RSU1: variants seen among roughly 807,000 people sequenced by gnomAD.
The protein encoded by RSU1 is Ras suppressor protein 1.
In RSU1, 26 loss-of-function variants were observed where a neutral mutation model predicts 31.1. The ratio of observed to expected loss-of-function variants is 0.84; its 90% CI spans 0.61 to 1.16. The LOEUF (loss-of-function observed/expected upper bound fraction) is 1.16. Ranked by LOEUF, RSU1 falls within the 50% of genes most tolerant of loss-of-function variation. The pLI is 0.00. For missense variants in RSU1, 320 were observed against 339.1 expected (o/e 0.94, Z 0.44); for synonymous variants, 164 against 136.3 (o/e 1.20, Z -1.41).
At chr10:16,664,011 G>A (rs1192292162) in intron 8 of RSU1, among the ~76,000 whole-genome samples, 1 of 152,120 alleles carries the variant, frequency 6.6e-6, no homozygotes, top group South Asian at 2.1e-4. Context: ...CACTCCAGGA[G>A]TCACAGAAGG....
intron 7 of RSU1, among the ~76,000 whole-genome samples, chr10:16,741,832 C>T (rs1836760103): frequency 6.6e-6 from 1 of 152,168 alleles, no homozygotes; most frequent in African/African-American, 2.4e-5. Context: ...ATGAGGGTGG[C>T]TTAAACCAAT....
intron 7 of RSU1, among the ~76,000 whole-genome samples, chr10:16,733,752 T>C (rs1005600839): frequency 6.6e-6 from 1 of 152,212 alleles, no homozygotes; most frequent in Non-Finnish European, 1.5e-5. Context: ...AGAGTATCTA[T>C]TAAAAGCTTG....
chr10:16,682,551 C>CACACACACAT (rs1835347271), intron 8 of RSU1, among the ~76,000 whole-genome samples: 1 of 148,042 alleles, frequency 6.8e-6, no homozygotes, highest in East Asian at 2.0e-4. Flanking sequence ...CACACACACA[C>CACACACACAT]ACACACACAC....
At chr10:16,754,847 T>C (rs564544499) in intron 5 of RSU1, 24 bp downstream of exon 5, 3 of 1,432,260 alleles carry the variant, frequency 2.1e-6, no homozygotes, top group East Asian at 4.6e-5. Flanking sequence ...GTTGAGGAGA[T>C]TTATAGAATT....
chr10:16,738,745 G>A (rs547610010), intron 7 of RSU1, among the ~76,000 whole-genome samples: 56 of 152,232 alleles, frequency 3.7e-4, no homozygotes, highest in African/African-American at 1.3e-3. Flanking sequence ...AGAACTTGCA[G>A]GTTTGTTACG....
chr10:16,778,015 T>C (rs945787421), intron 3 of RSU1, among the ~76,000 whole-genome samples: 1 of 137,340 alleles, frequency 7.3e-6, no homozygotes, highest in African/African-American at 3.0e-5. Context: ...TAAGGTCATA[T>C]ACCTTTTTTT....
chr10:16,772,641 GA>G (rs60460081), intron 3 of RSU1, among the ~76,000 whole-genome samples: 3,928 of 64,708 alleles, frequency 0.061, 64 homozygotes, highest in African/African-American at 0.076. Context: ...AGTAGAATAT[GA>G]AAAAAAAAAA....
chr10:16,718,118 G>C (rs572169521), intron 7 of RSU1, among the ~76,000 whole-genome samples: 3 of 136,352 alleles, frequency 2.2e-5, no homozygotes, highest in Admixed American at 2.2e-4. Flanking sequence ...AAAAAAGAAA[G>C]AAAGAAAGAA....
chr10:16,633,177 T>A (rs1011295582), intron 8 of RSU1, among the ~76,000 whole-genome samples: 1 of 152,068 alleles, frequency 6.6e-6, no homozygotes, highest in African/African-American at 2.4e-5. Flanking sequence ...AACCAAAGTG[T>A]CTCCAGAGAG....
At chr10:16,750,920 C>T (rs1338198311) in intron 7 of RSU1, among the ~76,000 whole-genome samples, 1 of 150,428 alleles carries the variant, frequency 6.6e-6, no homozygotes, top group African/African-American at 2.5e-5. Flanking sequence ...GCCAGGAGTG[C>T]AGTGGCACGA....
chr10:16,747,984 T>C (rs115460951), intron 7 of RSU1, among the ~76,000 whole-genome samples: 2,948 of 152,310 alleles, frequency 0.019, 109 homozygotes, highest in African/African-American at 0.067. Flanking sequence ...CAGTGAGCTA[T>C]GATTGCACCA....
In RSU1 at chr10:16,709,635, T is replaced by C. The variant is rs540625843; in HGVS notation, c.599-14480A>G. 1.1e-4 allele frequency among the ~76,000 whole-genome samples: 16 copies of C among 152,302 alleles called. No homozygotes were observed. The East Asian group carries it at 1.9e-3, about 18-fold the overall frequency. On this transcript the variant is annotated intron_variant, in intron 7 of 8. Coordinates refer to ENST00000345264, the MANE Select transcript of RSU1 (RefSeq NM_012425.4). ...CAACAGTATAAAAGTGTTCCTATTT[T>C]TCCACATCCTCTCCAGCACCTGTTG...
chr10:16,718,582 A>G (rs1188783440), intron 7 of RSU1, among the ~76,000 whole-genome samples: 1 of 152,006 alleles, frequency 6.6e-6, no homozygotes, highest in Non-Finnish European at 1.5e-5. Context: ...AAAACGGTAA[A>G]TGGCACATCT....
chr10:16,735,871 A>G (rs765827531), intron 7 of RSU1, among the ~76,000 whole-genome samples: 2 of 152,124 alleles, frequency 1.3e-5, no homozygotes, highest in Admixed American at 6.5e-5. Flanking sequence ...ACAATTCAAG[A>G]TGAGATTTGG....
chr10:16,597,936 C>A (rs369883445), intron 8 of RSU1, among the ~76,000 whole-genome samples: 2 of 152,188 alleles, frequency 1.3e-5, no homozygotes, highest in East Asian at 3.9e-4. Flanking sequence ...TACTAAGCGG[C>A]CATAAGTGGC....
chr10:16,748,577 G>A (rs1002724777), intron 7 of RSU1, among the ~76,000 whole-genome samples: 5 of 152,148 alleles, frequency 3.3e-5, no homozygotes, highest in Non-Finnish European at 5.9e-5. Context: ...CATTTCACCC[G>A]GAGTAAAAGC....
intron 7 of RSU1, among the ~76,000 whole-genome samples, chr10:16,714,238 C>A (rs1422870125): frequency 1.3e-5 from 2 of 152,118 alleles, no homozygotes; most frequent in East Asian, 3.9e-4. Context: ...TGATGCTGTG[C>A]CAGCTGCACA....
chr10:16,649,437 G>A (rs1427230797), intron 8 of RSU1, among the ~76,000 whole-genome samples: 1 of 152,130 alleles, frequency 6.6e-6, no homozygotes, highest in African/African-American at 2.4e-5. Flanking sequence ...TGACAGCTTT[G>A]TAACTCCTAA....
chr10:16,785,327 G>C (rs757665979), intron 2 of RSU1, among the ~76,000 whole-genome samples: 1 of 151,664 alleles, frequency 6.6e-6, no homozygotes, highest in Non-Finnish European at 1.5e-5. Flanking sequence ...TCCTCAGCTT[G>C]CAGATGGCCT....
Sources: gnomAD v4.1 joint callset for allele counts (sites outside exome capture counted in the v4.1 genomes callset) on GRCh38, gnomAD v4.1.1 for gene constraint, MANE v1.5 for transcripts, NCBI Gene and HGNC (gene_info 2026-07-23, HGNC 2026-07-21) for gene names.